The following SDK2 variants were observed in gnomAD, a reference collection of about 807,000 sequenced individuals.
SDK2 encodes the protein protein sidekick-2.
Under a neutral mutation model 253.9 loss-of-function variants are expected in SDK2, and 105 were observed. The observed-to-expected ratio is 0.41, with a 90% CI of 0.35 to 0.49. The LOEUF (loss-of-function observed/expected upper bound fraction) is 0.49. Ranked by LOEUF, SDK2 falls within the 20% of genes least tolerant of loss-of-function variation. The pLI is 0.06. For missense variants in SDK2, 2,608 were observed against 3,003.0 expected, an observed-to-expected ratio of 0.87 and a Z score of 3.07; for synonymous variants, 1,249 against 1,234.9, an observed-to-expected ratio of 1.01 and a Z score of -0.24.
At chr17:73,442,346 G>A (rs1758470076) in intron 5 of SDK2, among the ~76,000 whole-genome samples, 1 of 84,638 alleles carries the variant, frequency 1.2e-5, no homozygotes, top group Non-Finnish European at 2.3e-5. Context: ...GACTCATGCA[G>A]TCTTTTTTTT....
intron 24 of SDK2, 45 bp downstream of exon 24, chr17:73,397,990 G>GAA: frequency 6.3e-7 from 1 of 1,597,396 alleles, no homozygotes; most frequent in Admixed American, 1.7e-5. Context: ...GCAATGACCA[G>GAA]AAGCTCATGG....
intron 30 of SDK2, among the ~76,000 whole-genome samples, chr17:73,387,577 G>C (rs1419652911): frequency 2.6e-5 from 4 of 152,184 alleles, no homozygotes; most frequent in African/African-American, 9.7e-5. Flanking sequence ...TTCACTAAAG[G>C]GGGACTTCTA....
chr17:73,386,794 T>C (rs2062876268), intron 30 of SDK2, among the ~76,000 whole-genome samples: 1 of 152,204 alleles, frequency 6.6e-6, no homozygotes, highest in Non-Finnish European at 1.5e-5. Context: ...TTGGGGTGCC[T>C]TTAGCCCCAG....
intron 1 of SDK2, among the ~76,000 whole-genome samples, chr17:73,544,832 G>A (rs115620542): frequency 0.01 from 1,597 of 152,296 alleles, 27 homozygotes; most frequent in African/African-American, 0.037. Context: ...CAGCACCCAT[G>A]CCAGGACCTG....
rs545895077 is a variant in SDK2, at chr17:73,378,680, A to G, written c.4980+497T>C. Among the ~76,000 whole-genome samples the G allele has an allele frequency of 8.6e-4, 131 of 152,268 alleles. 1 individual carries two copies. Among genetic ancestry groups the G allele is most frequent in the African/African-American group, 3.1e-3 (127 of 41,570 alleles). On this transcript the variant is annotated intron_variant, in intron 36 of 44. Transcript: ENST00000392650. Reference sequence around the variant, plus strand: ...GGTGATCTGCCCGCCTCGGCCTCCCAAAGCGCTGGGATTAAAGGTGTGAGC... The same window carrying G: ...GGTGATCTGCCCGCCTCGGCCTCCCGAAGCGCTGGGATTAAAGGTGTGAGC...
At chr17:73,513,883 A>G (rs970167260) in intron 1 of SDK2, 7 of 152,208 alleles carry the variant, frequency 4.6e-5, no homozygotes, top group Non-Finnish European at 4.4e-5. Context: ...TTTCTTCTTC[A>G]AGTATAAAAA....
chr17:73,366,966 A>C (rs2062690413), intron 37 of SDK2, among the ~76,000 whole-genome samples: 1 of 152,132 alleles, frequency 6.6e-6, no homozygotes, highest in South Asian at 2.1e-4. Flanking sequence ...CTGTTGCTCA[A>C]CTGCTCAAGC....
intron 39 of SDK2, among the ~76,000 whole-genome samples, chr17:73,358,764 T>C (rs935495063): frequency 1.1e-4 from 17 of 152,024 alleles, no homozygotes; most frequent in African/African-American, 3.9e-4. Context: ...CAACCCCAAC[T>C]GCATTTCCTA....
chr17:73,466,385 C>T (rs1275743298), intron 3 of SDK2, among the ~76,000 whole-genome samples: 1 of 152,174 alleles, frequency 6.6e-6, no homozygotes, highest in East Asian at 1.9e-4. Context: ...ATGGTAGCAT[C>T]CTTTGTTATA....
At chr17:73,561,487 A>T (rs2045233643) in intron 1 of SDK2, among the ~76,000 whole-genome samples, 1 of 152,218 alleles carries the variant, frequency 6.6e-6, no homozygotes, top group Non-Finnish European at 1.5e-5. Context: ...GAGAAGGAGC[A>T]GTCAGCCGCC....
intron 36 of SDK2, among the ~76,000 whole-genome samples, chr17:73,371,726 G>A (rs2062735695): frequency 6.6e-6 from 1 of 152,168 alleles, no homozygotes; most frequent in Non-Finnish European, 1.5e-5. Context: ...TTGGAAGGCT[G>A]AGGCAGGTGG....
intron 1 of SDK2, among the ~76,000 whole-genome samples, chr17:73,590,602 G>A (rs932120368): frequency 2.6e-5 from 4 of 152,188 alleles, no homozygotes; most frequent in Non-Finnish European, 4.4e-5. Context: ...GGTGGCAGAC[G>A]CACCTGATTG....
chr17:73,502,359 C>T (rs958848062), intron 2 of SDK2, among the ~76,000 whole-genome samples: 1 of 152,096 alleles, frequency 6.6e-6, no homozygotes, highest in Admixed American at 6.6e-5. Context: ...GTTGGAGAGC[C>T]GTGGGCTATG....
At chr17:73,454,263 G>A (rs1237030860) in intron 4 of SDK2, among the ~76,000 whole-genome samples, 2 of 152,218 alleles carry the variant, frequency 1.3e-5, no homozygotes, top group Non-Finnish European at 2.9e-5. Flanking sequence ...AGGTAGCTAC[G>A]TTGAGATACT....
chr17:73,477,556 C>A (rs2063694724), intron 2 of SDK2, among the ~76,000 whole-genome samples: 1 of 152,230 alleles, frequency 6.6e-6, no homozygotes, highest in Non-Finnish European at 1.5e-5. Flanking sequence ...TGATGGCCAT[C>A]TTTGATGTGG....
chr17:73,493,794 A>ACG (rs2063823510), intron 2 of SDK2, among the ~76,000 whole-genome samples: 3 of 152,264 alleles, frequency 2.0e-5, no homozygotes, highest in Non-Finnish European at 4.4e-5. Flanking sequence ...ATGGATGGAC[A>ACG]TCCAGAGCTG....
Position 73,511,187 on chromosome 17 carries a change from G to C in SDK2, c.65-3590C>G, listed in dbSNP as rs1205166725. Among the ~76,000 whole-genome samples the C allele has an allele frequency of 6.6e-6, 1 of 152,184 alleles. No individual in the cohort carries two copies. Among genetic ancestry groups the C allele is most frequent in the Admixed American group, 6.5e-5 (1 of 15,284 alleles). On this transcript the variant is annotated intron_variant, in intron 1 of 44. Coordinates refer to ENST00000392650, the MANE Select transcript of SDK2 (RefSeq NM_001144952.2). The surrounding 1 kb of genome is among the most constrained non-coding windows in gnomAD (Gnocchi z 4.9). The stretch of plus-strand genomic sequence containing the variant: ...TGAATCGCGCTTTTAAAAACCCTCT[G>C]TTCATTGCTGTCATCACTCGTTTGT...
intron 44 of SDK2, among the ~76,000 whole-genome samples, chr17:73,343,015 GGGAGTA>G (rs1256186804): frequency 6.6e-6 from 1 of 152,192 alleles, no homozygotes; most frequent in Non-Finnish European, 1.5e-5. Flanking sequence ...CAGGTGGAAT[GGGAGTA>G]GAAGGTTAGC....
Position 73,338,094 on chromosome 17 carries a change from G to A in SDK2, c.*493C>T, listed in dbSNP as rs1293904663. Reference sequence around the variant, plus strand: ...TGGTGCATGGAGGGAAGGAGGAGCAGAGAGAGAAGATAGGCGTGGCCTCCG... The same window carrying A: ...TGGTGCATGGAGGGAAGGAGGAGCAAAGAGAGAAGATAGGCGTGGCCTCCG... On this transcript the variant is annotated 3_prime_UTR_variant, in exon 45 of 45. Coordinates refer to ENST00000392650, the MANE Select transcript of SDK2 (RefSeq NM_001144952.2). This position sits in a 1 kb window ranked among gnomAD's most constrained non-coding sequence, Gnocchi z 5.0. 1 of 247,476 alleles carries A rather than the reference G, an allele frequency of 4.0e-6. No individual in the cohort carries two copies. Among genetic ancestry groups the A allele is most frequent in the East Asian group, 1.3e-4 (1 of 7,684 alleles). The allele number at this position is 247,476 out of a possible 1,614,324, so 15.3% of individuals were successfully genotyped here.
Sources: gnomAD v4.1 joint callset for allele counts (sites outside exome capture counted in the v4.1 genomes callset) on GRCh38, gnomAD v4.1.1 for gene constraint, Gnocchi (gnomAD v3.1) non-coding constraint, MANE v1.5 for transcripts, NCBI Gene and HGNC (gene_info 2026-07-23, HGNC 2026-07-21) for gene names.